The following SPG11 variants were observed in gnomAD, a reference collection of about 807,000 sequenced individuals.
SPG11 encodes the protein spatacsin.
A neutral mutation model predicts 274.0 loss-of-function variants in SPG11; 222 were observed. The observed-to-expected ratio is 0.81, with a 90% CI of 0.73 to 0.91. The LOEUF (loss-of-function observed/expected upper bound fraction) is 0.91. Ranked by LOEUF, SPG11 falls within the 40% of genes least tolerant of loss-of-function variation. SPG11 has a pLI of 0.00. For missense variants in SPG11, 3,114 were observed against 2,872.7 expected (o/e 1.08, Z -1.92); for synonymous variants, 1,144 against 1,039.7 (o/e 1.10, Z -1.93).
At position 44,563,305 on chromosome 15, in the gene SPG11, G is replaced by C; in HGVS notation, c.7152-4C>G. 6.2e-7 allele frequency: 1 copy of C among 1,610,456 alleles called. No individual in the cohort carries two copies. Among genetic ancestry groups the C allele is most frequent in the Non-Finnish European group, 8.5e-7 (1 of 1,177,022 alleles). ...AGTAGGCTGATGTTGTTTATATCTAGATAAAGAAACATAATGTACAGGTTA... is the reference window on the plus strand; with the variant it reads ...AGTAGGCTGATGTTGTTTATATCTACATAAAGAAACATAATGTACAGGTTA... On this transcript the variant is annotated splice_polypyrimidine_tract_variant and splice_region_variant and intron_variant, in intron 39 of 39. Transcript: ENST00000261866.
At position 44,633,497 on chromosome 15, in the gene SPG11, C is replaced by T; in HGVS notation, c.1735+8G>A. On this transcript the variant is annotated splice_region_variant and intron_variant, in intron 8 of 39. Coordinates refer to ENST00000261866, the MANE Select transcript of SPG11 (RefSeq NM_025137.4). ...AAATACAAATGTAGAAATCTTTATT[C>T]CACTTACTTCTTAAATATAAATGGG... 1 of 1,579,590 alleles carries T rather than the reference C, an allele frequency of 6.3e-7. No individual in the cohort carries two copies. The highest frequency in any genetic ancestry group is 8.7e-7 in the Non-Finnish European group (1 of 1,153,126).
chr15:44,650,509 C>T (rs1226590202), intron 6 of SPG11, among the ~76,000 whole-genome samples: 1 of 151,638 alleles, frequency 6.6e-6, no homozygotes, highest in African/African-American at 2.4e-5. Flanking sequence ...CAAAAATTAG[C>T]TGGGAGTGGT....
intron 30 of SPG11, among the ~76,000 whole-genome samples, chr15:44,579,564 A>G (rs1595837331): frequency 6.6e-6 from 1 of 151,588 alleles, no homozygotes; most frequent in South Asian, 2.1e-4. Context: ...AAGCAGGAAG[A>G]TTTCAACTCA....
intron 30 of SPG11, among the ~76,000 whole-genome samples, chr15:44,576,573 C>T (rs1161624721): frequency 4.0e-5 from 6 of 150,808 alleles, no homozygotes; most frequent in Admixed American, 6.6e-5. Context: ...GGCGTGAACC[C>T]GGGAGGTGGA....
chr15:44,655,853 T>C (rs1279560679), intron 4 of SPG11, among the ~76,000 whole-genome samples: 2 of 152,100 alleles, frequency 1.3e-5, no homozygotes, highest in African/African-American at 4.8e-5. Flanking sequence ...TTAGGCCCAG[T>C]GAGGGAGTAA....
chr15:44,644,248 A>T (rs1485557290), intron 7 of SPG11, among the ~76,000 whole-genome samples: 2 of 152,218 alleles, frequency 1.3e-5, no homozygotes, highest in African/African-American at 2.4e-5. Context: ...AACAGAATCA[A>T]GTAGGCTTTA....
chr15:44,618,342 A>G (rs1269042506), intron 15 of SPG11, among the ~76,000 whole-genome samples: 1 of 150,524 alleles, frequency 6.6e-6, no homozygotes, highest in Non-Finnish European at 1.5e-5. Flanking sequence ...CCTCGTCTCT[A>G]CTAAAAATAC....
In SPG11 at chr15:44,608,670, T is replaced by TC. The variant is rs766938699; in HGVS notation, c.3292-66dup. On this transcript the variant is annotated intron_variant, in intron 18 of 39. Transcript: ENST00000261866. ...TTTCTCTTCTCAAAGTTTCTTTTTT[T>TC]CACAAGAACCTTGTGAAACAAGATT... 5.7e-5 allele frequency: 85 copies of TC among 1,499,584 alleles called. No homozygotes were observed. In the African/African-American group the frequency reaches 1.2e-3, roughly 21 times the overall value. The allele number at this position is 1,499,584 out of a possible 1,614,324, so 92.9% of individuals were successfully genotyped here. A position where few individuals can be genotyped will look rare whatever the true frequency, so the allele number is the denominator to read the frequency against.
chr15:44,642,287 C>T (rs542898368), intron 7 of SPG11, among the ~76,000 whole-genome samples: 67 of 150,320 alleles, frequency 4.5e-4, no homozygotes, highest in African/African-American at 1.6e-3. Flanking sequence ...ATCACTTGAA[C>T]CCAGAAGGCA....
intron 14 of SPG11, 127 bp downstream of exon 14, chr15:44,621,632 T>C (rs1397408200): frequency 3.1e-6 from 3 of 961,204 alleles, no homozygotes; most frequent in Non-Finnish European, 4.8e-6. Context: ...CGACTTGCAT[T>C]TTAAAGAACC....
intron 27 of SPG11, among the ~76,000 whole-genome samples, chr15:44,591,379 C>T (rs1351957529): frequency 6.6e-6 from 1 of 152,102 alleles, no homozygotes; most frequent in African/African-American, 2.4e-5. Context: ...ATTCTTTATC[C>T]TCCTGAGTGT....
intron 1 of SPG11, among the ~76,000 whole-genome samples, chr15:44,662,748 A>T (rs954355611): frequency 2.6e-5 from 4 of 152,040 alleles, no homozygotes; most frequent in African/African-American, 9.7e-5. Flanking sequence ...CTGAACCAAG[A>T]GTTACGGAAG....
intron 15 of SPG11, among the ~76,000 whole-genome samples, chr15:44,618,414 A>G (rs1166511130): frequency 6.8e-6 from 1 of 147,812 alleles, no homozygotes; most frequent in Non-Finnish European, 1.5e-5. Flanking sequence ...GCTACTGGGG[A>G]GGCTGAGGCA....
In SPG11 at chr15:44,572,759, C is replaced by A; in HGVS notation, c.6267G>T (p.Leu2089=). ...TGCCTACCAATGTGCGGTCTTGACA[C>A]AGAGTGGTCAGCTGAAGAAATGTCT... ...ESQTFLQLTT[L]CQDRTLVGMK... Residue 2089 remains leucine (L), a synonymous_variant, in exon 33 of 40, where the codon CTG becomes CTT. Transcript: ENST00000261866. 6.2e-7 allele frequency: 1 copy of A among 1,614,106 alleles called. No homozygotes were observed. Among genetic ancestry groups the A allele is most frequent in the Non-Finnish European group, 8.5e-7 (1 of 1,180,000 alleles).
chr15:44,591,307 G>A (rs1355457547), intron 27 of SPG11, among the ~76,000 whole-genome samples: 1 of 152,158 alleles, frequency 6.6e-6, no homozygotes, highest in East Asian at 1.9e-4. Flanking sequence ...GGATTTTGAT[G>A]TTTAGAAGAA....
intron 30 of SPG11, among the ~76,000 whole-genome samples, chr15:44,576,228 A>C (rs190217507): frequency 1.4e-4 from 21 of 152,180 alleles, no homozygotes; most frequent in Admixed American, 5.2e-4. Flanking sequence ...TAGGAAAAAA[A>C]AGTAAGGAAT....
chr15:44,660,365 G>T (rs1030822188), intron 2 of SPG11, 67 bp downstream of exon 2: 1 of 1,456,176 alleles, frequency 6.9e-7, no homozygotes, highest in East Asian at 2.3e-5. Flanking sequence ...GACTTTTCCT[G>T]AAGTATGTAA....
At chr15:44,615,951 T>A (rs1256682165) in intron 15 of SPG11, among the ~76,000 whole-genome samples, 1 of 152,204 alleles carries the variant, frequency 6.6e-6, no homozygotes, top group African/African-American at 2.4e-5. Flanking sequence ...TACATCAGAA[T>A]AATTTAAATA....
intron 19 of SPG11, 29 bp from the exon 20 acceptor site, chr15:44,606,120 TAGA>T (rs773259067): frequency 1.2e-6 from 2 of 1,601,572 alleles, no homozygotes; most frequent in South Asian, 1.1e-5. Flanking sequence ...TAAACAGAAT[TAGA>T]AGTTCACTGA....
Sources: allele counts gnomAD v4.1 joint callset (sites outside exome capture counted in the v4.1 genomes callset), GRCh38; gene constraint gnomAD v4.1.1; transcripts MANE v1.5; gene names NCBI Gene and HGNC (gene_info 2026-07-23, HGNC 2026-07-21).